The following MCUR1 variants were observed in gnomAD, a reference collection of about 807,000 sequenced individuals.
The protein encoded by MCUR1 is MCU regulator 1.
In MCUR1, 37 loss-of-function variants were observed where a neutral mutation model predicts 42.0. That is an observed-to-expected ratio of 0.88 (90% CI 0.68 to 1.16). The LOEUF is 1.16. MCUR1 is among the 50% of genes most tolerant of loss of function. MCUR1 has a pLI of 0.00. For missense variants in MCUR1, 469 were observed against 468.4 expected (o/e 1.00, Z -0.01); for synonymous variants, 229 against 196.2 (o/e 1.17, Z -1.40).
At chr6:13,803,623 A>C (rs1383485297) in intron 2 of MCUR1, 2 of 429,518 alleles carry the variant, frequency 4.7e-6, no homozygotes, top group African/African-American at 4.3e-5. Flanking sequence ...TTTAAAGGAG[A>C]AGGAAAAAAA....
chr6:13,802,132 T>A, intron 3 of MCUR1, 111 bp downstream of exon 3: 1 of 698,966 alleles, frequency 1.4e-6, no homozygotes, highest in East Asian at 2.9e-5. Context: ...TGGTAAAAGT[T>A]ACTATATACT....
intron 1 of MCUR1, 37 bp downstream of exon 1, chr6:13,813,978 G>A (rs1283675675): frequency 2.4e-6 from 3 of 1,228,408 alleles, no homozygotes; most frequent in African/African-American, 1.6e-5. Flanking sequence ...CCAACCCCGC[G>A]AGACGAGCCC....
intron 1 of MCUR1, among the ~76,000 whole-genome samples, chr6:13,808,771 G>A (rs1760166287): frequency 6.6e-6 from 1 of 152,154 alleles, no homozygotes; most frequent in Non-Finnish European, 1.5e-5. Flanking sequence ...CCACTGAAAT[G>A]TCTTGTCACT....
chr6:13,812,880 T>A (rs1489746073), intron 1 of MCUR1, among the ~76,000 whole-genome samples: 1 of 152,224 alleles, frequency 6.6e-6, no homozygotes, highest in East Asian at 1.9e-4. Context: ...TCTAATAAAT[T>A]GATTCTATTT....
At chr6:13,813,879 G>A in intron 1 of MCUR1, 136 bp downstream of exon 1, 1 of 953,778 alleles carries the variant, frequency 1.0e-6, no homozygotes, top group East Asian at 3.4e-5. Context: ...CCACGCTCCG[G>A]GCAGATGCCG....
At chr6:13,794,023 C>G in intron 6 of MCUR1, 76 bp from the exon 7 acceptor site, 2 of 1,367,572 alleles carry the variant, frequency 1.5e-6, no homozygotes, top group Non-Finnish European at 1.0e-6. Flanking sequence ...CTTAAATATT[C>G]TGGTCTCAGT....
intron 7 of MCUR1, 78 bp from the exon 8 acceptor site, chr6:13,792,070 G>A (rs1235224506): frequency 2.0e-5 from 22 of 1,085,872 alleles, no homozygotes; most frequent in Middle Eastern, 2.0e-4. Context: ...CCTTCCCAAC[G>A]GGGTGCAGTC....
At position 13,790,840 on chromosome 6, in the gene MCUR1, A is replaced by G; in HGVS notation, c.1049T>C (p.Val350Ala). ...LAGSIFTCLT[V>A]ALGFYRLWI ...CCACAGGCGATAAAATCCCAGAGCT[A>G]CTGTTAGGCACGTAAATATAGACCC... is the stretch of plus-strand genomic sequence containing the variant. Residue 350 changes from valine to alanine, a missense_variant, in exon 9 of 9, where the codon GTA becomes GCA. Coordinates refer to ENST00000379170, the MANE Select transcript of MCUR1 (RefSeq NM_001031713.4). 6.2e-7 allele frequency: 1 copy of G among 1,611,802 alleles called. No homozygotes were observed.
At position 13,800,278 on chromosome 6, in the gene MCUR1, T is replaced by C. The variant is rs113335285; in HGVS notation, c.783+63A>G. On this transcript the variant is annotated intron_variant, in intron 5 of 8. Transcript: ENST00000379170. ...TTTTTAAAAACATCCATTTCTAATA[T>C]TATACTTATTAATAAGTTTATATAA... 2.7e-5 allele frequency: 29 copies of C among 1,073,474 alleles called. 2 individuals are homozygous for C. The highest frequency in any genetic ancestry group is 1.9e-4 in the African/African-American group (12 of 61,602). The allele number at this position is 1,073,474 out of a possible 1,614,324, so 66.5% of individuals were successfully genotyped here.
At chr6:13,809,595 CT>C (rs959894652) in intron 1 of MCUR1, among the ~76,000 whole-genome samples, 66 of 145,374 alleles carry the variant, frequency 4.5e-4, no homozygotes, top group African/African-American at 5.8e-4. Flanking sequence ...CTGCTAAAAT[CT>C]TTTTTTTTTT....
At chr6:13,811,346 T>G (rs1232357014) in intron 1 of MCUR1, among the ~76,000 whole-genome samples, 1 of 152,232 alleles carries the variant, frequency 6.6e-6, no homozygotes, top group East Asian at 1.9e-4. Flanking sequence ...GAATAATTTT[T>G]TTTTTTTGGT....
chr6:13,797,346 G>A (rs2113460417), intron 6 of MCUR1, among the ~76,000 whole-genome samples: 1 of 152,290 alleles, frequency 6.6e-6, no homozygotes, highest in East Asian at 1.9e-4. Context: ...TAAAGTCTGA[G>A]CAAGAAGACG....
At chr6:13,812,555 G>C (rs1351054075) in intron 1 of MCUR1, among the ~76,000 whole-genome samples, 1 of 152,160 alleles carries the variant, frequency 6.6e-6, no homozygotes, top group Admixed American at 6.5e-5. Context: ...GCAAAATACA[G>C]AATAAAGACC....
At chr6:13,802,853 G>A (rs888878256) in intron 2 of MCUR1, among the ~76,000 whole-genome samples, 4 of 152,098 alleles carry the variant, frequency 2.6e-5, no homozygotes, top group Admixed American at 2.6e-4. Flanking sequence ...GTTGTTTTAT[G>A]TCCAGCATAA....
intron 6 of MCUR1, among the ~76,000 whole-genome samples, chr6:13,796,628 G>A (rs1436098955): frequency 2.6e-5 from 4 of 151,972 alleles, no homozygotes; most frequent in Non-Finnish European, 5.9e-5. Flanking sequence ...CTGTAATTGT[G>A]AAAAAAATTT....
intron 2 of MCUR1, among the ~76,000 whole-genome samples, chr6:13,806,179 G>A (rs1311462269): frequency 6.6e-6 from 1 of 151,998 alleles, no homozygotes; most frequent in African/African-American, 2.4e-5. Flanking sequence ...GCTTGAACCC[G>A]AGGTGGAGGT....
At position 13,814,493 on chromosome 6, in the gene MCUR1, C is replaced by G; in HGVS notation, c.-64G>C. 1 of 1,397,548 alleles carries G rather than the reference C, an allele frequency of 7.2e-7. No homozygotes were observed. Among genetic ancestry groups the G allele is most frequent in the East Asian group, 3.1e-5 (1 of 32,574 alleles). 86.6% of individuals were successfully genotyped at this position (1,397,548 alleles called of 1,614,324 possible). A position where few individuals can be genotyped will look rare whatever the true frequency, so the allele number is the denominator to read the frequency against. On this transcript the variant is annotated 5_prime_UTR_variant, in exon 1 of 9. Coordinates refer to ENST00000379170, the MANE Select transcript of MCUR1 (RefSeq NM_001031713.4). ...TCTCGCTTTTGGCGCCGGCCACGCGCGGTCCAGGCCCAGAGTCCGACAGCG... is the reference window on the plus strand; with the variant it reads ...TCTCGCTTTTGGCGCCGGCCACGCGGGGTCCAGGCCCAGAGTCCGACAGCG...
Position 13,814,320 on chromosome 6 carries a change from G to A in MCUR1, c.110C>T (p.Ser37Leu), listed in dbSNP as rs1361159309. Reference protein sequence around the residue: ...LSGRPGGSETSARRCLSALSD... With the variant: ...LSGRPGGSETLARRCLSALSD... Reference sequence around the variant, plus strand: ...GAGCGCAGAGAGGCAGCGGCGTGCTGAGGTTTCGCTGCCGCCCGGTCTTCC... The same window carrying A: ...GAGCGCAGAGAGGCAGCGGCGTGCTAAGGTTTCGCTGCCGCCCGGTCTTCC... The change falls in exon 1 of 9, where the codon TCA (serine) becomes TTA (leucine). Residue 37 changes from serine (S) to leucine (L), a missense_variant. Physicochemically the swap from Ser to Leu is moderately radical, Grantham distance 145 (BLOSUM62 -2). Transcript: ENST00000379170. 3.3e-6 allele frequency: 5 copies of A among 1,506,906 alleles called. No homozygotes were observed. Among genetic ancestry groups the A allele is most frequent in the East Asian group, 2.7e-5 (1 of 36,968 alleles). 93.3% of individuals were successfully genotyped at this position (1,506,906 alleles called of 1,614,324 possible).
At chr6:13,794,099 A>G in intron 6 of MCUR1, 152 bp from the exon 7 acceptor site, 1 of 611,406 alleles carries the variant, frequency 1.6e-6, no homozygotes, top group Non-Finnish European at 2.8e-6. Context: ...GCTTCTTTAT[A>G]TGTGTTACTT....
Sources: gnomAD v4.1 joint callset for allele counts (sites outside exome capture counted in the v4.1 genomes callset) on GRCh38, gnomAD v4.1.1 for gene constraint, MANE v1.5 for transcripts, NCBI Gene and HGNC (gene_info 2026-07-23, HGNC 2026-07-21) for gene names.